The following RALYL variants were observed in gnomAD, a reference collection of about 807,000 sequenced individuals.
RALYL encodes the protein RNA-binding Raly-like protein.
In RALYL, 29 loss-of-function variants were observed where a neutral mutation model predicts 35.1. The observed-to-expected ratio is 0.83, with a 90% confidence interval of 0.61 to 1.13. The LOEUF (loss-of-function observed/expected upper bound fraction) is 1.13, where lower values mean the gene tolerates loss of function less well. RALYL is among the 50% of genes most tolerant of loss of function. The pLI, the probability that RALYL is intolerant of heterozygous loss-of-function variation, is 0.00. For synonymous variants in RALYL, 120 were observed against 127.6 expected (o/e 0.94, Z 0.40); for missense variants, 359 against 360.4 (o/e 1.00, Z 0.03).
At chr8:84,420,194 C>G (rs1254208918) in intron 1 of RALYL, among the ~76,000 whole-genome samples, 11 of 152,022 alleles carry the variant, frequency 7.2e-5, no homozygotes, top group Admixed American at 7.2e-4. Flanking sequence ...TCTCCACATC[C>G]TCTCCAGCAC....
At chr8:84,580,592 T>C (rs1300087164) in intron 2 of RALYL, among the ~76,000 whole-genome samples, 1 of 152,122 alleles carries the variant, frequency 6.6e-6, no homozygotes, top group African/African-American at 2.4e-5. Context: ...CCTGCAACAT[T>C]AAGAATCAAA....
At chr8:84,641,873 T>A (rs926065962) in intron 2 of RALYL, among the ~76,000 whole-genome samples, 2 of 151,308 alleles carry the variant, frequency 1.3e-5, no homozygotes, top group Non-Finnish European at 2.9e-5. Context: ...AAAACATTGA[T>A]ACCTTAAACA....
At chr8:84,624,894 A>G (rs1476135883) in intron 2 of RALYL, among the ~76,000 whole-genome samples, 1 of 152,128 alleles carries the variant, frequency 6.6e-6, no homozygotes, top group African/African-American at 2.4e-5. Flanking sequence ...AATTTCTCCT[A>G]AACTTCTGTG....
intron 2 of RALYL, among the ~76,000 whole-genome samples, chr8:84,581,436 A>G (rs1810804355): frequency 6.6e-6 from 1 of 152,194 alleles, no homozygotes; most frequent in Non-Finnish European, 1.5e-5. Context: ...TCATGTCTAT[A>G]TGCCCAGAGC....
intron 1 of RALYL, among the ~76,000 whole-genome samples, chr8:84,206,689 A>G (rs903718985): frequency 1.3e-5 from 2 of 152,138 alleles, no homozygotes; most frequent in African/African-American, 2.4e-5. Flanking sequence ...TGAAATGAAA[A>G]TGGATTTCTC....
At chr8:84,397,994 C>G (rs73302505) in intron 1 of RALYL, among the ~76,000 whole-genome samples, 4,309 of 152,268 alleles carry the variant, frequency 0.028, 197 homozygotes, top group African/African-American at 0.098. Context: ...ACAAATTTCA[C>G]TTGAGGTAAA....
chr8:84,424,529 T>A (rs1306228195), intron 1 of RALYL, among the ~76,000 whole-genome samples: 1 of 150,746 alleles, frequency 6.6e-6, no homozygotes, highest in Non-Finnish European at 1.5e-5. Flanking sequence ...TTCGATCGTC[T>A]GAAGCCTTCT....
intron 2 of RALYL, among the ~76,000 whole-genome samples, chr8:84,769,880 G>A (rs1206506560): frequency 2.0e-5 from 3 of 152,106 alleles, no homozygotes; most frequent in Middle Eastern, 3.4e-3. Context: ...TAAGTTATGA[G>A]GAATAATGCT....
At chr8:84,423,722 G>A (rs1385282861) in intron 1 of RALYL, among the ~76,000 whole-genome samples, 1 of 151,632 alleles carries the variant, frequency 6.6e-6, no homozygotes, top group Non-Finnish European at 1.5e-5. Context: ...GCTTCCTTCA[G>A]GAGCTCTTTT....
chr8:84,839,008 A>G (rs2134527146), intron 4 of RALYL, among the ~76,000 whole-genome samples: 1 of 152,354 alleles, frequency 6.6e-6, no homozygotes, highest in South Asian at 2.1e-4. Flanking sequence ...ATGGCCAAAT[A>G]GGAACAGCTC....
chr8:84,512,540 G>T (rs2057709537), intron 1 of RALYL, among the ~76,000 whole-genome samples: 1 of 152,028 alleles, frequency 6.6e-6, no homozygotes, highest in Non-Finnish European at 1.5e-5. Flanking sequence ...GTTTAATATA[G>T]TCCCATTTGT....
At position 84,183,795 on chromosome 8, in the gene RALYL, T is replaced by C. The variant is rs1261191776; in HGVS notation, c.-653T>C. 1 of 152,518 alleles carries C rather than the reference T, an allele frequency of 6.6e-6. No homozygotes were observed. Among genetic ancestry groups the C allele is most frequent in the African/African-American group, 2.4e-5 (1 of 41,398 alleles). The allele number at this position is 152,518 out of a possible 1,614,324, so 9.4% of individuals were successfully genotyped here. The stretch of plus-strand genomic sequence containing the variant: ...GTAGACAAGGCGCTGTGTCTCGGAG[T>C]CCGCGGCGACCGTGCCCGCTGGGAG... On this transcript the variant is annotated 5_prime_UTR_variant, in exon 1 of 9. Coordinates refer to ENST00000521268, the MANE Select transcript of RALYL (RefSeq NM_173848.7).
intron 2 of RALYL, among the ~76,000 whole-genome samples, chr8:84,544,395 T>C (rs536255267): frequency 6.6e-6 from 1 of 152,076 alleles, no homozygotes; most frequent in Non-Finnish European, 1.5e-5. Flanking sequence ...AGATAAATCA[T>C]GATGTGTTAA....
rs557815620 is a variant in RALYL, at chr8:84,239,939, C to T, written c.-24+55515C>T. ...AAAATAAAAATAAAAGACAGTCTGG[C>T]TGTAGTGTGTGTGCCAAAGTACTGC... is the stretch of plus-strand genomic sequence containing the variant. On this transcript the variant is annotated intron_variant, in intron 1 of 8. Coordinates refer to ENST00000521268, the MANE Select transcript of RALYL (RefSeq NM_173848.7). Among the ~76,000 whole-genome samples, 224 of 152,074 alleles carry T rather than the reference C, an allele frequency of 1.5e-3. 3 individuals are homozygous for T. Among genetic ancestry groups the T allele is most frequent in the Admixed American group, 1.8e-3 (27 of 15,268 alleles).
chr8:84,905,142 C>T (rs2135598110), intron 8 of RALYL, among the ~76,000 whole-genome samples: 1 of 152,282 alleles, frequency 6.6e-6, no homozygotes, highest in Admixed American at 6.5e-5. Flanking sequence ...TTTGATTCTA[C>T]AAATTTGACT....
chr8:84,427,135 A>G lies in RALYL; in HGVS notation c.-23-102164A>G, dbSNP rs559008587. On this transcript the variant is annotated intron_variant, in intron 1 of 8. Transcript: ENST00000521268. ...TTTCTAAGACAAAATTTAAAGGGGC[A>G]GTTTCACCCCAGATATGCCCAATGG... Among the ~76,000 whole-genome samples the G allele has an allele frequency of 2.6e-5, 4 of 152,342 alleles. No individual in the cohort carries two copies. The South Asian group carries it at 6.2e-4, about 24-fold the overall frequency.
rs1300954805 is a variant in RALYL at position 84,838,848 on chromosome 8, A to G, written c.366-11132A>G. Among the ~76,000 whole-genome samples, 3 of 152,258 alleles carry G rather than the reference A, an allele frequency of 2.0e-5. No individual in the cohort carries two copies. In the South Asian group the frequency reaches 6.2e-4, roughly 31 times the overall value. ...ATAAGACACATAAGTGGAAATCATT[A>G]CTGTCATCTATATTAATAATGCCTT... On this transcript the variant is annotated intron_variant, in intron 4 of 8. Transcript: ENST00000521268.
At chr8:84,245,355 T>A (rs1018304534) in intron 1 of RALYL, among the ~76,000 whole-genome samples, 2 of 152,174 alleles carry the variant, frequency 1.3e-5, no homozygotes, top group Non-Finnish European at 2.9e-5. Flanking sequence ...CTTTAAACAA[T>A]AATTGGCAGC....
At chr8:84,627,245 A>AG (rs1822932883) in intron 2 of RALYL, among the ~76,000 whole-genome samples, 1 of 151,654 alleles carries the variant, frequency 6.6e-6, no homozygotes, top group Admixed American at 6.6e-5. Flanking sequence ...TTTTTCTCGC[A>AG]GGGTGATCAG....
Sources: gnomAD v4.1 joint callset for allele counts (sites outside exome capture counted in the v4.1 genomes callset) on GRCh38, gnomAD v4.1.1 for gene constraint, MANE v1.5 for transcripts, NCBI Gene and HGNC (gene_info 2026-07-23, HGNC 2026-07-21) for gene names.